Variants in RPH3A observed in about 807,000 individuals in gnomAD.
RPH3A encodes rabphilin 3A.
RPH3A carries 48 observed loss-of-function variants against 102.2 expected under a neutral mutation model. The observed-to-expected ratio is 0.47, with a 90% confidence interval of 0.37 to 0.60. RPH3A has a LOEUF of 0.60. Among genes scored for constraint, RPH3A ranks in the 20% least tolerant of loss-of-function variants. The pLI is 0.00. For missense variants in RPH3A, 781 were observed against 910.1 expected (o/e 0.86, Z 1.83); for synonymous variants, 310 against 324.3 (o/e 0.96, Z 0.47).
chr12:112,695,917 T>C (rs1566263725), intron 1 of RPH3A, among the ~76,000 whole-genome samples: 2 of 152,254 alleles, frequency 1.3e-5, no homozygotes, highest in Non-Finnish European at 1.5e-5. Flanking sequence ...TGGTGATTTC[T>C]AAGATTTTGG....
chr12:112,780,158 C>T (rs181244445), intron 1 of RPH3A, among the ~76,000 whole-genome samples: 17 of 152,262 alleles, frequency 1.1e-4, no homozygotes, highest in Admixed American at 1.0e-3. Context: ...AACCAGCACT[C>T]TCATAATGCC....
chr12:112,576,466 G>A (rs1184102723), intron 1 of RPH3A, among the ~76,000 whole-genome samples: 2 of 152,168 alleles, frequency 1.3e-5, no homozygotes, highest in African/African-American at 2.4e-5. Flanking sequence ...TGATCCACCC[G>A]TCTCGGCCTC....
chr12:112,810,630 T>G (rs1231798620), intron 2 of RPH3A, among the ~76,000 whole-genome samples: 5 of 152,240 alleles, frequency 3.3e-5, no homozygotes, highest in African/African-American at 1.2e-4. Flanking sequence ...CGTTAGTTTC[T>G]TGTGGGAGAA....
intron 5 of RPH3A, among the ~76,000 whole-genome samples, chr12:112,856,660 G>T (rs916007326): frequency 3.9e-5 from 6 of 152,142 alleles, no homozygotes; most frequent in African/African-American, 1.4e-4. Context: ...CCCTTTAAAA[G>T]CTTTAGAAAG....
intron 1 of RPH3A, among the ~76,000 whole-genome samples, chr12:112,633,789 A>C (rs1371571987): frequency 6.6e-6 from 1 of 152,174 alleles, no homozygotes; most frequent in Non-Finnish European, 1.5e-5. Context: ...TGTTTCTTGA[A>C]GGTCAGAATT....
In RPH3A at chr12:112,620,670, A is replaced by G. The variant is rs148750248; in HGVS notation, c.-140+45351A>G. ...TATGGAACTTCTCATAGGAAGTTCA[A>G]AGTTAGCATGTTCACATCCAAACTC... On this transcript the variant is annotated intron_variant, in intron 1 of 21. Coordinates refer to the RPH3A transcript ENST00000543106. 2.0e-5 allele frequency among the ~76,000 whole-genome samples: 3 copies of G among 152,328 alleles called. No homozygotes were observed. In the East Asian group the frequency reaches 5.8e-4, roughly 29 times the overall value.
At chr12:112,874,955 C>A in intron 10 of RPH3A, 129 bp from the exon 11 acceptor site, 1 of 653,258 alleles carries the variant, frequency 1.5e-6, no homozygotes. Flanking sequence ...AAGAGCTGAG[C>A]GAGTGAGGAG....
At chr12:112,827,160 C>T (rs1033080490) in intron 2 of RPH3A, among the ~76,000 whole-genome samples, 4 of 152,102 alleles carry the variant, frequency 2.6e-5, no homozygotes, top group African/African-American at 7.2e-5. Flanking sequence ...GATCCATCAC[C>T]ATCATCAACT....
intron 1 of RPH3A, among the ~76,000 whole-genome samples, chr12:112,739,683 T>C (rs2040694620): frequency 6.6e-6 from 1 of 152,218 alleles, no homozygotes; most frequent in Non-Finnish European, 1.5e-5. Context: ...GCCTTATTTA[T>C]CTGTCCTCTG....
intron 1 of RPH3A, among the ~76,000 whole-genome samples, chr12:112,711,195 C>T (rs1236924457): frequency 6.6e-6 from 1 of 152,110 alleles, no homozygotes; most frequent in Non-Finnish European, 1.5e-5. Context: ...TTCTTAGGCT[C>T]ATTCCTGGAC....
chr12:112,727,295 G>A (rs947971748), intron 1 of RPH3A, among the ~76,000 whole-genome samples: 3 of 151,206 alleles, frequency 2.0e-5, no homozygotes, highest in African/African-American at 7.3e-5. Flanking sequence ...GGAGGCTGAG[G>A]CAGGAGAATT....
intron 10 of RPH3A, chr12:112,874,760 C>T (rs1387920884): frequency 1.1e-5 from 3 of 284,924 alleles, no homozygotes; most frequent in Non-Finnish European, 6.6e-6. Context: ...ACTCTATCAG[C>T]TAAGTGATTA....
intron 1 of RPH3A, among the ~76,000 whole-genome samples, chr12:112,703,540 T>G (rs529959886): frequency 6.6e-6 from 1 of 152,348 alleles, no homozygotes; most frequent in South Asian, 2.1e-4. Flanking sequence ...GGCTGCACTT[T>G]GACCCACTTC....
intron 1 of RPH3A, among the ~76,000 whole-genome samples, chr12:112,763,000 T>C (rs1319028789): frequency 1.3e-5 from 2 of 152,198 alleles, no homozygotes; most frequent in South Asian, 2.1e-4. Flanking sequence ...CCAAGGAATG[T>C]TGGGTACTGA....
chr12:112,600,563 C>T (rs556078926), intron 1 of RPH3A, among the ~76,000 whole-genome samples: 6 of 152,366 alleles, frequency 3.9e-5, no homozygotes, highest in African/African-American at 1.4e-4. Flanking sequence ...TAGCTACTCA[C>T]TGCTCTGTCT....
intron 1 of RPH3A, among the ~76,000 whole-genome samples, chr12:112,664,917 C>G (rs956397705): frequency 6.6e-6 from 1 of 151,014 alleles, no homozygotes; most frequent in Non-Finnish European, 1.5e-5. Flanking sequence ...GGACTTAACA[C>G]TCTCAGAAGT....
chr12:112,800,744 C>T (rs903132286), intron 2 of RPH3A, among the ~76,000 whole-genome samples: 2 of 152,050 alleles, frequency 1.3e-5, no homozygotes, highest in Non-Finnish European at 2.9e-5. Flanking sequence ...CCAGAGCAAT[C>T]AGGGTCCACT....
chr12:112,629,552 C>T (rs897860381), intron 1 of RPH3A, among the ~76,000 whole-genome samples: 2 of 147,662 alleles, frequency 1.4e-5, no homozygotes, highest in Non-Finnish European at 3.0e-5. Context: ...TTATAACTCA[C>T]TGCAGCCTCG....
At chr12:112,854,291 T>C (rs2042373349) in intron 5 of RPH3A, among the ~76,000 whole-genome samples, 1 of 152,176 alleles carries the variant, frequency 6.6e-6, no homozygotes, top group Admixed American at 6.5e-5. Flanking sequence ...CTTTTGTTGG[T>C]GGAGAAGGAA....
Sources: allele counts gnomAD v4.1 joint callset (sites outside exome capture counted in the v4.1 genomes callset), GRCh38; gene constraint gnomAD v4.1.1; transcripts MANE v1.5; gene names NCBI Gene and HGNC (gene_info 2026-07-23, HGNC 2026-07-21).